The following ADGRD1 variants were observed in gnomAD, a reference collection of about 807,000 sequenced individuals.
The protein encoded by ADGRD1 is G-protein coupled receptor 133.
Under a neutral mutation model 113.4 loss-of-function variants are expected in ADGRD1, and 77 were observed. The observed-to-expected ratio is 0.68, with a 90% CI of 0.57 to 0.82. ADGRD1 has a LOEUF of 0.82. ADGRD1 is among the 40% of genes least tolerant of loss of function. The probability of loss-of-function intolerance (pLI) is 0.00; values close to 1 mark genes in which losing one functional copy is unlikely to be tolerated. For synonymous variants in ADGRD1, 474 were observed against 475.0 expected, an observed-to-expected ratio of 1.00 and a Z score of 0.03; for missense variants, 1,036 against 1,139.1, an observed-to-expected ratio of 0.91 and a Z score of 1.30.
chr12:131,056,572 A>G (rs907476464), intron 13 of ADGRD1, among the ~76,000 whole-genome samples: 1 of 152,204 alleles, frequency 6.6e-6, no homozygotes, highest in African/African-American at 2.4e-5. Flanking sequence ...TAACATTAAC[A>G]TGAAGTTGTG....
chr12:131,049,429 C>T (rs1017979423), intron 13 of ADGRD1, among the ~76,000 whole-genome samples: 3 of 152,192 alleles, frequency 2.0e-5, no homozygotes, highest in Non-Finnish European at 4.4e-5. Flanking sequence ...TTTTCGATCT[C>T]CATGCCTACT....
rs1346370581 is a variant in ADGRD1 at position 131,003,257 on chromosome 12, G to A, written c.1099G>A (p.Gly367Ser). ...VMGHVSSNLH[G>S]STPQVTVEGS... Reference sequence around the variant, plus strand: ...GGGCCATGTATCCTCCAACCTGCACGGCAGCACGCCCCAGGTCACCGTGGA... The same window carrying A: ...GGGCCATGTATCCTCCAACCTGCACAGCAGCACGCCCCAGGTCACCGTGGA... The change falls in exon 10 of 25, where the codon GGC becomes AGC. Residue 367 changes from glycine to serine, a missense_variant. Coordinates refer to ENST00000261654, the MANE Select transcript of ADGRD1 (RefSeq NM_198827.5). The surrounding 1 kb of genome is among the most constrained non-coding windows in gnomAD (Gnocchi z 4.8). 3 of 1,614,032 alleles carry A rather than the reference G, an allele frequency of 1.9e-6. No individual in the cohort carries two copies. The highest frequency in any genetic ancestry group is 2.5e-6 in the Non-Finnish European group (3 of 1,179,984).
intron 17 of ADGRD1, among the ~76,000 whole-genome samples, chr12:131,106,111 C>T (rs1028590697): frequency 2.6e-5 from 4 of 152,200 alleles, no homozygotes; most frequent in Non-Finnish European, 2.9e-5. Flanking sequence ...GCACCAGCTA[C>T]GCGCGAGGCA....
chr12:131,007,585 A>G (rs564356210), intron 12 of ADGRD1, among the ~76,000 whole-genome samples: 4 of 152,336 alleles, frequency 2.6e-5, no homozygotes, highest in South Asian at 2.1e-4. Flanking sequence ...GTCTGCAGAC[A>G]GGACACTGGA....
chr12:130,996,939 G>A (rs1453199324), intron 8 of ADGRD1, among the ~76,000 whole-genome samples: 1 of 132,538 alleles, frequency 7.5e-6, no homozygotes, highest in Non-Finnish European at 1.6e-5. Context: ...CTCCCGGACG[G>A]GGTGGCTGGC....
In ADGRD1 at chr12:130,998,789, C is replaced by T. The variant is rs544071021; in HGVS notation, c.967-1594C>T. Among the ~76,000 whole-genome samples, 5 of 152,220 alleles carry T rather than the reference C, an allele frequency of 3.3e-5. No homozygotes were observed. In the South Asian group the frequency reaches 1.0e-3, roughly 32 times the overall value. On this transcript the variant is annotated intron_variant, in intron 8 of 24. Transcript: ENST00000261654. ...CCCATTCTACAAGTTTCCATGGTGT[C>T]CTGGCTTCTCACCTGTCCACTAGCA...
At chr12:131,091,210 G>T (rs1886885644) in intron 15 of ADGRD1, among the ~76,000 whole-genome samples, 1 of 152,140 alleles carries the variant, frequency 6.6e-6, no homozygotes, top group Non-Finnish European at 1.5e-5. Flanking sequence ...AACAGATAGA[G>T]AATTCATCCA....
intron 13 of ADGRD1, among the ~76,000 whole-genome samples, chr12:131,072,481 T>G (rs1033102665): frequency 6.6e-6 from 1 of 152,204 alleles, no homozygotes; most frequent in Non-Finnish European, 1.5e-5. Context: ...GCCTGGTGTT[T>G]CTTGGCTGTG....
chr12:131,034,951 A>G (rs554862127), intron 13 of ADGRD1, among the ~76,000 whole-genome samples: 1 of 152,062 alleles, frequency 6.6e-6, no homozygotes, highest in South Asian at 2.1e-4. Context: ...CCTCCCCTCC[A>G]CAGCAGGACG....
At chr12:131,114,144 G>C (rs1950409826) in intron 18 of ADGRD1, among the ~76,000 whole-genome samples, 1 of 152,164 alleles carries the variant, frequency 6.6e-6, no homozygotes, top group South Asian at 2.1e-4. Context: ...TGGGGTGTGT[G>C]TGTTTGACAG....
intron 21 of ADGRD1, among the ~76,000 whole-genome samples, chr12:131,134,707 A>T (rs1951030824): frequency 6.6e-6 from 1 of 152,246 alleles, no homozygotes; most frequent in Non-Finnish European, 1.5e-5. Flanking sequence ...TCTCTTGACA[A>T]GGAAGCTCAT....
chr12:131,077,565 G>T (rs1240826892), intron 14 of ADGRD1, among the ~76,000 whole-genome samples: 1 of 152,094 alleles, frequency 6.6e-6, no homozygotes, highest in Non-Finnish European at 1.5e-5. Flanking sequence ...GGCTCCCACA[G>T]TCACAGCGGT....
chr12:131,136,777 G>T (rs112138497), intron 22 of ADGRD1, among the ~76,000 whole-genome samples, 196 bp from the exon 23 acceptor site: 76 of 152,334 alleles, frequency 5.0e-4, no homozygotes, highest in African/African-American at 1.6e-3. Flanking sequence ...AACTCGGTCC[G>T]AGCAGCTGCC....
chr12:130,987,097 C>G lies in ADGRD1; in HGVS notation c.493C>G (p.Pro165Ala), dbSNP rs755255484. 39 of 1,613,546 alleles carry G rather than the reference C, an allele frequency of 2.4e-5. 1 individual carries two copies. In the Middle Eastern group the frequency reaches 1.5e-3, roughly 61 times the overall value. The change falls in exon 6 of 25, where the codon CCC becomes GCC. Residue 165 changes from proline (P) to alanine (A), a missense_variant and splice_region_variant. Pro to Ala is a conservative substitution (Grantham distance 27). Transcript: ENST00000261654. ...TWEASFSPPGPYWTHVLFTWK... is the reference protein window; with the variant it reads ...TWEASFSPPGAYWTHVLFTWK... ...TGGCGATCTTCACTCTTTTCCAGGC[C>G]CCTATTGGACTCATGTCCTATTTAC... is the stretch of plus-strand genomic sequence containing the variant.
intron 20 of ADGRD1, among the ~76,000 whole-genome samples, chr12:131,126,291 T>G (rs1950736409): frequency 6.6e-6 from 1 of 152,212 alleles, no homozygotes; most frequent in African/African-American, 2.4e-5. Flanking sequence ...TCTCTCTCTC[T>G]GTGCTCTCTT....
At chr12:131,028,288 T>C (rs2136910519) in intron 13 of ADGRD1, among the ~76,000 whole-genome samples, 1 of 152,356 alleles carries the variant, frequency 6.6e-6, no homozygotes, top group Non-Finnish European at 1.5e-5. Flanking sequence ...ATTTTTCTGT[T>C]GTGCTGTTTG....
chr12:131,083,778 C>T (rs1032006570), intron 14 of ADGRD1, among the ~76,000 whole-genome samples: 4 of 152,324 alleles, frequency 2.6e-5, no homozygotes, highest in Middle Eastern at 6.8e-3. Flanking sequence ...TATATCCACA[C>T]GTTATTCACG....
chr12:131,137,195 C>T lies in ADGRD1; in HGVS notation c.2436+181C>T, dbSNP rs1408161741. The T allele has an allele frequency of 4.7e-6, 3 of 632,270 alleles. No homozygotes were observed. The East Asian group carries it at 8.1e-5, about 17-fold the overall frequency. The allele number at this position is 632,270 out of a possible 1,614,324, so 39.2% of individuals were successfully genotyped here. A position where few individuals can be genotyped will look rare whatever the true frequency, so the allele number is the denominator to read the frequency against. ...GCCTGCTGCTGAGCAGCTCTTCTCT[C>T]CCCGCCTAGTTGCTAAGCGATATGC... On this transcript the variant is annotated intron_variant, in intron 23 of 24. Transcript: ENST00000261654.
intron 12 of ADGRD1, among the ~76,000 whole-genome samples, chr12:131,013,628 T>C (rs1278498805): frequency 6.6e-6 from 1 of 152,084 alleles, no homozygotes; most frequent in Non-Finnish European, 1.5e-5. Flanking sequence ...CTCCAGGCTG[T>C]GTGGGCTGTG....
Sources: gnomAD v4.1 joint callset for allele counts (sites outside exome capture counted in the v4.1 genomes callset) on GRCh38, gnomAD v4.1.1 for gene constraint, Gnocchi (gnomAD v3.1) non-coding constraint, MANE v1.5 for transcripts, NCBI Gene and HGNC (gene_info 2026-07-23, HGNC 2026-07-21) for gene names.